The following BHLHE41 variants were observed in gnomAD, a reference collection of about 807,000 sequenced individuals.
The protein encoded by BHLHE41 is class E basic helix-loop-helix protein 41.
In BHLHE41, 14 loss-of-function variants were observed where a neutral mutation model predicts 24.0. The observed-to-expected ratio is 0.58, with a 90% confidence interval of 0.39 to 0.91. The LOEUF is 0.91. BHLHE41 is among the 40% of genes least tolerant of loss of function. The pLI is 0.00. For synonymous variants in BHLHE41, 394 were observed against 315.5 expected, an observed-to-expected ratio of 1.25 and a Z score of -2.64; for missense variants, 674 against 655.4, an observed-to-expected ratio of 1.03 and a Z score of -0.31.
Position 26,122,377 on chromosome 12 carries a change from C to T in BHLHE41, c.1138G>A (p.Ala380Thr). Residue 380 changes from alanine to threonine, a missense_variant, in exon 5 of 5, where the codon GCG becomes ACG. Physicochemically the swap from Ala to Thr is moderately conservative, Grantham distance 58. This residue lies in a region of BHLHE41 where 602 missense variants were observed against 570.8 expected (regional missense o/e 1.05). Transcript: ENST00000242728. The part of the protein sequence containing the change: ...SGLEKYLYPA[A>T]AAAPFPLLYP... The stretch of plus-strand genomic sequence containing the variant: ...AGCAGCGGGAACGGGGCGGCAGCCG[C>T]CGCCGGGTACAGATACTTCTCCAGG... 1 of 1,206,914 alleles carries T rather than the reference C, an allele frequency of 8.3e-7. No individual in the cohort carries two copies. The highest frequency in any genetic ancestry group is 1.6e-5 in the African/African-American group (1 of 62,480). The allele number at this position is 1,206,914 out of a possible 1,614,324, so 74.8% of individuals were successfully genotyped here. A position where few individuals can be genotyped will look rare whatever the true frequency, so the allele number is the denominator to read the frequency against.
Position 26,122,889 on chromosome 12 carries a change from T to C in BHLHE41, c.626A>G (p.Gln209Arg). The C allele has an allele frequency of 1.3e-6, 2 of 1,551,470 alleles. No individual in the cohort carries two copies. Among genetic ancestry groups the C allele is most frequent in the Non-Finnish European group, 8.7e-7 (1 of 1,147,920 alleles). Residue 209 changes from glutamine to arginine, a missense_variant, in exon 5 of 5, where the codon CAG becomes CGG. This residue lies in a region of BHLHE41 where 602 missense variants were observed against 570.8 expected (regional missense o/e 1.05). Transcript: ENST00000242728. The part of the protein sequence containing the change: ...AAAPCLERAG[Q>R]KLEPLAYCVP... The stretch of plus-strand genomic sequence containing the variant: ...GCAGTAGGCGAGGGGCTCCAGCTTC[T>C]GCCCCGCGCGCTCCAGGCAGGGGGC...
chr12:26,122,527 CGAA>C lies in BHLHE41; in HGVS notation c.985_987del (p.Phe329del). 1 of 1,276,998 alleles carries C rather than the reference CGAA, an allele frequency of 7.8e-7. No individual in the cohort carries two copies. The highest frequency in any genetic ancestry group is 1.0e-6 in the Non-Finnish European group (1 of 1,001,096). The allele number at this position is 1,276,998 out of a possible 1,614,324, so 79.1% of individuals were successfully genotyped here. A position where few individuals can be genotyped will look rare whatever the true frequency, so the allele number is the denominator to read the frequency against. On this transcript the variant is annotated inframe_deletion, in exon 5 of 5. Transcript: ENST00000242728. ...GGGAAGGGCGCGCCTCCGCCTCCGC[CGAA>C]CGCCACCAGCGAGCTGAGCAGGGCG...
chr12:26,124,462 A>G, intron 2 of BHLHE41, 57 bp downstream of exon 2: 7 of 1,542,744 alleles, frequency 4.5e-6, no homozygotes, highest in Admixed American at 1.7e-5. Context: ...TGTGAAATCA[A>G]TGGCTCTAAT....
chr12:26,122,277 G>C lies in BHLHE41; in HGVS notation c.1238C>G (p.Pro413Arg). 1 of 1,211,586 alleles carries C rather than the reference G, an allele frequency of 8.3e-7. No individual in the cohort carries two copies. The highest frequency in any genetic ancestry group is 1.0e-6 in the Non-Finnish European group (1 of 974,774). 75.1% of individuals were successfully genotyped at this position (1,211,586 alleles called of 1,614,324 possible). ...GGGCGACAACACCGAGGACAGGCAG[G>C]GGAACGCGGCGGCGGCGGCGGCAGC... is the stretch of plus-strand genomic sequence containing the variant. ...AAAAAAAAAF[P>R]CLSSVLSPPP... Residue 413 changes from proline to arginine, a missense_variant, in exon 5 of 5, where the codon CCC becomes CGC. Pro to Arg is a moderately radical substitution (Grantham distance 103). Around this residue, in one of 3 missense-constraint regions of BHLHE41, gnomAD observed 602 missense variants for 570.8 expected, o/e 1.05. Coordinates refer to ENST00000242728, the MANE Select transcript of BHLHE41 (RefSeq NM_030762.3).
Position 26,120,684 on chromosome 12 carries a change from A to G in BHLHE41, c.*1382T>C, listed in dbSNP as rs1944296737. The G allele has an allele frequency of 6.5e-6, 1 of 152,676 alleles. No individual in the cohort carries two copies. Among genetic ancestry groups the G allele is most frequent in the Non-Finnish European group, 1.5e-5 (1 of 68,038 alleles). 9.5% of individuals were successfully genotyped at this position (152,676 alleles called of 1,614,324 possible). A position where few individuals can be genotyped will look rare whatever the true frequency, so the allele number is the denominator to read the frequency against. On this transcript the variant is annotated 3_prime_UTR_variant, in exon 5 of 5. Transcript: ENST00000242728. ...AAACACAGCGTTTGAGGCAAACAGTAGCAACAGCAGCAGCAAATGCACCAA... is the reference window on the plus strand; with the variant it reads ...AAACACAGCGTTTGAGGCAAACAGTGGCAACAGCAGCAGCAAATGCACCAA...
chr12:26,123,326 G>A (rs1337582248), intron 4 of BHLHE41, among the ~76,000 whole-genome samples, 158 bp from the exon 5 acceptor site: 2 of 152,152 alleles, frequency 1.3e-5, no homozygotes, highest in East Asian at 1.9e-4. Context: ...CAGTTGACGA[G>A]AGAAGCGGGG....
In BHLHE41 at chr12:26,122,188, C is replaced by A. The variant is rs1944312678; in HGVS notation, c.1327G>T (p.Ala443Ser). ...CCGTGCGGGTGCTGGGGGTGCGGCG[C>A]CCCAAGGGGCGCCACCTCGTGCGGC... ...LLPHEVAPLG[A>S]PHPQHPHGRT... The change falls in exon 5 of 5, where the codon GCG (alanine) becomes TCG (serine). Residue 443 changes from alanine (A) to serine (S), a missense_variant. By Grantham distance (99) the Ala-to-Ser change is moderately conservative (BLOSUM62 1). Around this residue, in one of 3 missense-constraint regions of BHLHE41, gnomAD observed 602 missense variants for 570.8 expected, o/e 1.05. Transcript: ENST00000242728. 4 of 1,453,276 alleles carry A rather than the reference C, an allele frequency of 2.8e-6. No individual in the cohort carries two copies. The highest frequency in any genetic ancestry group is 3.6e-6 in the Non-Finnish European group (4 of 1,105,520). The allele number at this position is 1,453,276 out of a possible 1,614,324, so 90.0% of individuals were successfully genotyped here. A position where few individuals can be genotyped will look rare whatever the true frequency, so the allele number is the denominator to read the frequency against.
In BHLHE41 at chr12:26,122,851, G is replaced by A; in HGVS notation, c.664C>T (p.Gln222Ter). The A allele has an allele frequency of 6.4e-7, 1 of 1,573,824 alleles. No individual in the cohort carries two copies. Among genetic ancestry groups the A allele is most frequent in the Non-Finnish European group, 8.6e-7 (1 of 1,162,000 alleles). The change falls in exon 5 of 5, where the codon CAG (glutamine) becomes TAG (stop). Residue 222 changes from glutamine to a stop codon, truncating the protein, a stop_gained. Coordinates refer to ENST00000242728, the MANE Select transcript of BHLHE41 (RefSeq NM_030762.3). LOFTEE classifies it low-confidence loss of function (END_TRUNC). ...EPLAYCVPVI[Q>*]RTQPSAELAA... ...AGCTCGGCGCTGGGCTGAGTCCGCT[G>A]GATGACGGGCACGCAGTAGGCGAGG...
intron 4 of BHLHE41, 27 bp from the exon 5 acceptor site, chr12:26,123,195 G>C: frequency 6.4e-7 from 1 of 1,556,410 alleles, no homozygotes; most frequent in East Asian, 2.3e-5. Flanking sequence ...ATGGGGGTGG[G>C]GGACGGAGGA....
chr12:26,122,335 C>T lies in BHLHE41; in HGVS notation c.1180G>A (p.Ala394Thr). Residue 394 changes from alanine to threonine, a missense_variant, in exon 5 of 5, where the codon GCC (alanine) becomes ACC (threonine). Ala to Thr is a moderately conservative substitution (Grantham distance 58). Transcript: ENST00000242728. ...PFPLLYPGIP[A>T]PAAAAAAAAA... ...GCGGCTGCCGCGGCTGCCGCCGGGG[C>T]GGGGATGCCGGGGTATAGCAGCGGG... is the stretch of plus-strand genomic sequence containing the variant. The T allele has an allele frequency of 1.7e-6, 2 of 1,160,624 alleles. No homozygotes were observed. The highest frequency in any genetic ancestry group is 4.2e-5 in the South Asian group (1 of 23,588). The allele number at this position is 1,160,624 out of a possible 1,614,324, so 71.9% of individuals were successfully genotyped here.
intron 3 of BHLHE41, 73 bp from the exon 4 acceptor site, chr12:26,123,814 T>G: frequency 4.1e-6 from 4 of 977,442 alleles, no homozygotes; most frequent in Non-Finnish European, 6.6e-6. Flanking sequence ...GGCTGTCCAT[T>G]CAGCACAGCA....
At chr12:26,123,778 C>A in intron 3 of BHLHE41, 37 bp from the exon 4 acceptor site, 1 of 1,369,058 alleles carries the variant, frequency 7.3e-7, no homozygotes, top group Non-Finnish European at 1.0e-6. Context: ...CACTTGGTTA[C>A]TTAAAAACAC....
At chr12:26,123,846 G>A (rs2137388697) in intron 3 of BHLHE41, 105 bp from the exon 4 acceptor site, 1 of 843,242 alleles carries the variant, frequency 1.2e-6, no homozygotes, top group Non-Finnish European at 2.1e-6. Flanking sequence ...CACTTTGAAA[G>A]AAGTACTGTT....
intron 2 of BHLHE41, 73 bp from the exon 3 acceptor site, chr12:26,124,252 T>TGGGGGGGGCG: frequency 1.1e-6 from 1 of 879,458 alleles, no homozygotes. Flanking sequence ...TACCCTCGTC[T>TGGGGGGGGCG]GCCCCCCCCG....
In BHLHE41 at chr12:26,120,823, A is replaced by T. The variant is rs1944297643; in HGVS notation, c.*1243T>A. 1 of 152,658 alleles carries T rather than the reference A, an allele frequency of 6.6e-6. No homozygotes were observed. Among genetic ancestry groups the T allele is most frequent in the African/African-American group, 2.4e-5 (1 of 41,462 alleles). 9.5% of individuals were successfully genotyped at this position (152,658 alleles called of 1,614,324 possible). A position where few individuals can be genotyped will look rare whatever the true frequency, so the allele number is the denominator to read the frequency against. On this transcript the variant is annotated 3_prime_UTR_variant, in exon 5 of 5. Coordinates refer to ENST00000242728, the MANE Select transcript of BHLHE41 (RefSeq NM_030762.3). ...AGTGCTACCTTGGCAACAAACTAAA[A>T]ATATCTAGACAAGGTCTTGGTTTAA...
Position 26,122,445 on chromosome 12 carries a change from G to A in BHLHE41, c.1070C>T (p.Ser357Phe), listed in dbSNP as rs1460815125. ...GGGCTGCACGTAGGCGGCAGCTGCA[G>A]AAGGCGAGAGGAAGCAGAAGGGCAG... ...FCLPFCFLSP[S>F]AAAAYVQPFL... The change falls in exon 5 of 5, where the codon TCT (serine) becomes TTT (phenylalanine). Residue 357 changes from serine (S) to phenylalanine (F), a missense_variant. Ser to Phe is a radical substitution (Grantham distance 155, BLOSUM62 -2). This residue lies in a region of BHLHE41 where 602 missense variants were observed against 570.8 expected (regional missense o/e 1.05). Transcript: ENST00000242728. 1 of 1,357,338 alleles carries A rather than the reference G, an allele frequency of 7.4e-7. No individual in the cohort carries two copies. Among genetic ancestry groups the A allele is most frequent in the Non-Finnish European group, 9.6e-7 (1 of 1,044,614 alleles). 84.1% of individuals were successfully genotyped at this position (1,357,338 alleles called of 1,614,324 possible).
Position 26,120,614 on chromosome 12 carries a change from A to C in BHLHE41, c.*1452T>G, listed in dbSNP as rs1359199645. 5.9e-5 allele frequency: 9 copies of C among 152,706 alleles called. No homozygotes were observed. Among genetic ancestry groups the C allele is most frequent in the African/African-American group, 2.2e-4 (9 of 41,472 alleles). 9.5% of individuals were successfully genotyped at this position (152,706 alleles called of 1,614,324 possible). On this transcript the variant is annotated 3_prime_UTR_variant, in exon 5 of 5. Coordinates refer to ENST00000242728, the MANE Select transcript of BHLHE41 (RefSeq NM_030762.3). Reference sequence around the variant, plus strand: ...TCATTAATTGGATGTATTAACAACTATGTACATAAGAGCCACCTTGTAGGC... The same window carrying C: ...TCATTAATTGGATGTATTAACAACTCTGTACATAAGAGCCACCTTGTAGGC...
intron 2 of BHLHE41, 41 bp from the exon 3 acceptor site, chr12:26,124,220 G>T (rs771218727): frequency 2.3e-6 from 3 of 1,329,566 alleles, no homozygotes; most frequent in Admixed American, 1.7e-5. Context: ...AACAGTAAGC[G>T]AAACATTCAC....
At position 26,124,543 on chromosome 12, in the gene BHLHE41, C is replaced by G; in HGVS notation, c.102G>C (p.Arg34Ser). 6.2e-7 allele frequency: 1 copy of G among 1,614,116 alleles called. No homozygotes were observed. Among genetic ancestry groups the G allele is most frequent in the South Asian group, 1.1e-5 (1 of 91,064 alleles). ...YSSLYMCKPKRSMKRDDTKDT... is the reference protein window; with the variant it reads ...YSSLYMCKPKSSMKRDDTKDT... The stretch of plus-strand genomic sequence containing the variant: ...CCTTGGTGTCGTCTCGTTTCATGCT[C>G]CTTTTGGGTTTACACATATACAAAG... The change falls in exon 2 of 5, where the codon AGG becomes AGC. Residue 34 changes from arginine to serine, a missense_variant. Physicochemically the swap from Arg to Ser is moderately radical, Grantham distance 110 (BLOSUM62 -1). This residue lies in a region of BHLHE41 where 67 missense variants were observed against 62.4 expected (regional missense o/e 1.07). Coordinates refer to ENST00000242728, the MANE Select transcript of BHLHE41 (RefSeq NM_030762.3).
Sources: gnomAD v4.1 joint callset for allele counts (sites outside exome capture counted in the v4.1 genomes callset) on GRCh38, gnomAD v4.1.1 for gene constraint, gnomAD v4.1.1 regional missense constraint, MANE v1.5 for transcripts, NCBI Gene and HGNC (gene_info 2026-07-23, HGNC 2026-07-21) for gene names.